The following DPP10 variants were observed in gnomAD, a reference collection of about 807,000 sequenced individuals.
DPP10 encodes inactive dipeptidyl peptidase 10.
In DPP10, 33 loss-of-function variants were observed where a neutral mutation model predicts 120.9. The ratio of observed to expected loss-of-function variants is 0.27; its 90% CI spans 0.21 to 0.37. DPP10 has a LOEUF of 0.37. Among genes scored for constraint, DPP10 ranks in the 10% least tolerant of loss-of-function variants. DPP10 has a pLI of 1.00. For missense variants in DPP10, 816 were observed against 942.8 expected (o/e 0.87, Z 1.76); for synonymous variants, 337 against 326.1 (o/e 1.03, Z -0.36).
At chr2:115,490,434 G>A (rs1056712708) in intron 3 of DPP10, among the ~76,000 whole-genome samples, 1 of 151,894 alleles carries the variant, frequency 6.6e-6, no homozygotes, top group South Asian at 2.1e-4. Context: ...TGACACATGG[G>A]GATTATAAGG....
intron 5 of DPP10, among the ~76,000 whole-genome samples, chr2:115,562,858 C>G (rs543820245): frequency 6.6e-6 from 1 of 152,186 alleles, no homozygotes. Context: ...CAAGGAAGTT[C>G]CATAGCTATT....
chr2:114,691,988 G>C (rs756067231), intron 1 of DPP10, among the ~76,000 whole-genome samples: 10 of 151,868 alleles, frequency 6.6e-5, no homozygotes, highest in African/African-American at 9.7e-5. Context: ...TTCTTTATTA[G>C]TATAGCTAGT....
chr2:114,869,651 A>T (rs1690528365), intron 1 of DPP10, among the ~76,000 whole-genome samples: 1 of 152,170 alleles, frequency 6.6e-6, no homozygotes, highest in Non-Finnish European at 1.5e-5. Flanking sequence ...ACTGGAATGG[A>T]GGCCAGACTG....
intron 1 of DPP10, among the ~76,000 whole-genome samples, chr2:114,976,731 T>C (rs1699777575): frequency 6.6e-6 from 1 of 152,228 alleles, no homozygotes; most frequent in Non-Finnish European, 1.5e-5. Flanking sequence ...AGGATGGATA[T>C]GCATGCTGGT....
intron 5 of DPP10, among the ~76,000 whole-genome samples, chr2:115,554,834 C>T (rs1040981856): frequency 2.6e-5 from 4 of 152,016 alleles, no homozygotes; most frequent in African/African-American, 9.7e-5. Context: ...ATATACATTT[C>T]CTTGGTTTAT....
intron 1 of DPP10, among the ~76,000 whole-genome samples, chr2:115,102,229 T>G (rs754354238): frequency 6.6e-6 from 1 of 152,170 alleles, no homozygotes; most frequent in African/African-American, 2.4e-5. Flanking sequence ...CTCTGGTCCC[T>G]CTTTCTCTTC....
intron 1 of DPP10, among the ~76,000 whole-genome samples, chr2:114,865,567 A>G (rs1354854426): frequency 6.6e-6 from 1 of 152,210 alleles, no homozygotes; most frequent in Non-Finnish European, 1.5e-5. Context: ...CAGGTTCATT[A>G]ATCACTTCAT....
intron 1 of DPP10, among the ~76,000 whole-genome samples, chr2:114,993,578 GTGTATATATA>G (rs1293765052): frequency 1.8e-4 from 16 of 89,198 alleles, no homozygotes; most frequent in South Asian, 4.3e-4. Flanking sequence ...GTGTGTGTGT[GTGTATATATA>G]TATATATATA....
chr2:114,627,820 A>G (rs1694629432), intron 1 of DPP10, among the ~76,000 whole-genome samples: 1 of 152,182 alleles, frequency 6.6e-6, no homozygotes, highest in South Asian at 2.1e-4. Flanking sequence ...TGGGGCTGTT[A>G]GGATGCAAGA....
At chr2:114,849,179 A>G (rs188903951) in intron 1 of DPP10, among the ~76,000 whole-genome samples, 107 of 152,186 alleles carry the variant, frequency 7.0e-4, no homozygotes, top group African/African-American at 2.5e-3. Context: ...TCACATACAC[A>G]TTTACTCAGA....
At chr2:115,263,792 T>C (rs1403451694) in intron 1 of DPP10, among the ~76,000 whole-genome samples, 1 of 152,222 alleles carries the variant, frequency 6.6e-6, no homozygotes, top group Non-Finnish European at 1.5e-5. Context: ...GCCTTCCTTA[T>C]ATACATGTTA....
chr2:114,470,023 GAC>G (rs1558786781), intron 1 of DPP10, among the ~76,000 whole-genome samples: 2 of 152,218 alleles, frequency 1.3e-5, no homozygotes, highest in Non-Finnish European at 2.9e-5. Context: ...GATGTGGGCA[GAC>G]ACAGAGTGTT....
intron 1 of DPP10, among the ~76,000 whole-genome samples, chr2:114,658,259 A>G (rs1252938634): frequency 6.6e-6 from 1 of 152,184 alleles, no homozygotes; most frequent in Non-Finnish European, 1.5e-5. Context: ...GATAAAGGAT[A>G]TTTGACAATT....
chr2:115,475,287 C>G (rs1406385882), intron 3 of DPP10, among the ~76,000 whole-genome samples: 1 of 152,206 alleles, frequency 6.6e-6, no homozygotes, highest in African/African-American at 2.4e-5. Context: ...AGCCATGGCT[C>G]AACAAGGCCC....
intron 1 of DPP10, among the ~76,000 whole-genome samples, chr2:115,030,576 G>C (rs535647117): frequency 6.6e-6 from 1 of 152,036 alleles, no homozygotes; most frequent in Non-Finnish European, 1.5e-5. Flanking sequence ...TAGATCATCC[G>C]ATCACCTAGG....
chr2:115,343,916 A>G lies in DPP10; in HGVS notation c.271+4A>G. 1.3e-6 allele frequency: 2 copies of G among 1,586,500 alleles called. No individual in the cohort carries two copies. Among genetic ancestry groups the G allele is most frequent in the Non-Finnish European group, 8.6e-7 (1 of 1,165,132 alleles). On this transcript the variant is annotated splice_donor_region_variant and intron_variant, in intron 3 of 25. Transcript: ENST00000410059. ...CCAGAGGCTCGGTGGATCAATGGTA[A>G]GTGTATACCTTTTTAAACATTGTAT... is the stretch of plus-strand genomic sequence containing the variant.
chr2:115,514,639 T>A (rs2077405330), intron 4 of DPP10, among the ~76,000 whole-genome samples: 1 of 151,790 alleles, frequency 6.6e-6, no homozygotes, highest in South Asian at 2.1e-4. Flanking sequence ...TTTTAATTAA[T>A]TAAAATCATG....
chr2:114,652,912 A>G (rs1436841855), intron 1 of DPP10, among the ~76,000 whole-genome samples: 2 of 151,552 alleles, frequency 1.3e-5, no homozygotes, highest in African/African-American at 2.4e-5. Context: ...GCAGTTAGAG[A>G]GCCTTTACTC....
At position 114,840,481 on chromosome 2, in the gene DPP10, C is replaced by T. The variant is rs546944386; in HGVS notation, c.60+397643C>T. Among the ~76,000 whole-genome samples the T allele has an allele frequency of 7.2e-5, 11 of 152,132 alleles. No individual in the cohort carries two copies. In the South Asian group the frequency reaches 1.0e-3, roughly 14 times the overall value. ...CGCTTTTCACTCTGCTCCTCTCCTG[C>T]GAACTAAAAAGACCTCGAATTTTAA... On this transcript the variant is annotated intron_variant, in intron 1 of 25. Transcript: ENST00000410059.
Sources: allele counts gnomAD v4.1 joint callset (sites outside exome capture counted in the v4.1 genomes callset), GRCh38; gene constraint gnomAD v4.1.1; transcripts MANE v1.5; gene names NCBI Gene and HGNC (gene_info 2026-07-23, HGNC 2026-07-21).